MMS22L: variants seen among roughly 807,000 people sequenced by gnomAD.
The protein encoded by MMS22L is MMS22 like, DNA repair protein.
Under a neutral mutation model 159.1 loss-of-function variants are expected in MMS22L, and 74 were observed. That is an observed-to-expected ratio of 0.47 (90% confidence interval 0.39 to 0.56). MMS22L has a LOEUF of 0.56. Among genes scored for constraint, MMS22L ranks in the 20% least tolerant of loss-of-function variants. The probability of loss-of-function intolerance (pLI) is 0.00; values close to 1 mark genes in which losing one functional copy is unlikely to be tolerated. For missense variants in MMS22L, 1,351 were observed against 1,422.1 expected (o/e 0.95, Z 0.80); for synonymous variants, 517 against 506.9 (o/e 1.02, Z -0.27).
intron 3 of MMS22L, among the ~76,000 whole-genome samples, chr6:97,280,719 A>G (rs1816686421): frequency 6.6e-6 from 1 of 152,202 alleles, no homozygotes; most frequent in Non-Finnish European, 1.5e-5. Flanking sequence ...ACTTAGGCCA[A>G]AAGAAGAGGA....
chr6:97,272,909 A>C (rs1281457878), intron 5 of MMS22L, 28 bp from the exon 6 acceptor site: 20 of 1,607,590 alleles, frequency 1.2e-5, no homozygotes, highest in Non-Finnish European at 1.7e-5. Flanking sequence ...AAAATAAACA[A>C]CTAGAGTCTG....
intron 14 of MMS22L, among the ~76,000 whole-genome samples, chr6:97,226,172 T>A (rs1810227471): frequency 6.6e-6 from 1 of 152,218 alleles, no homozygotes; most frequent in South Asian, 2.1e-4. Context: ...GTTTGGCACA[T>A]CTATATAATG....
In MMS22L at chr6:97,231,042, A is replaced by G. The variant is rs539116055; in HGVS notation, c.1529+384T>C. 1.1e-4 allele frequency: 19 copies of G among 169,120 alleles called. No homozygotes were observed. In the South Asian group the frequency reaches 2.7e-3, roughly 24 times the overall value. 10.5% of individuals were successfully genotyped at this position (169,120 alleles called of 1,614,324 possible). On this transcript the variant is annotated intron_variant, in intron 13 of 24. Coordinates refer to ENST00000683635, the MANE Select transcript of MMS22L (RefSeq NM_001350599.2). ...AACAAGCAAAACTCTCAAAAGAGAC[A>G]GAGAAAACAATGGACTAATGTGACC...
At chr6:97,245,952 T>C (rs1171371460) in intron 11 of MMS22L, 3 of 255,532 alleles carry the variant, frequency 1.2e-5, no homozygotes, top group Non-Finnish European at 2.3e-5. Context: ...ATAATCTTTA[T>C]TTCTTAAAAG....
chr6:97,142,429 C>CA lies in MMS22L; in HGVS notation c.*4376dup, dbSNP rs1800683274. 6.6e-6 allele frequency: 1 copy of CA among 152,448 alleles called. No homozygotes were observed. Among genetic ancestry groups the CA allele is most frequent in the Non-Finnish European group, 1.5e-5 (1 of 67,916 alleles). The allele number at this position is 152,448 out of a possible 1,614,324, so 9.4% of individuals were successfully genotyped here. On this transcript the variant is annotated 3_prime_UTR_variant, in exon 25 of 25. Coordinates refer to ENST00000683635, the MANE Select transcript of MMS22L (RefSeq NM_001350599.2). ...AGAATATGCTATGTTGCTAGCTTCC[C>CA]AAACCAACTGTTTCTAACCAAATAA...
chr6:97,152,839 CTT>C (rs869235389), intron 22 of MMS22L, among the ~76,000 whole-genome samples: 29 of 121,414 alleles, frequency 2.4e-4, no homozygotes, highest in East Asian at 4.7e-4. Flanking sequence ...TGAGTATTTT[CTT>C]TTTTTTTTTT....
chr6:97,177,575 A>G (rs753941097), intron 18 of MMS22L, among the ~76,000 whole-genome samples: 1 of 152,170 alleles, frequency 6.6e-6, no homozygotes, highest in Non-Finnish European at 1.5e-5. Flanking sequence ...TATAGCTCCT[A>G]GCACACCACA....
At chr6:97,233,452 T>C (rs1425358652) in intron 12 of MMS22L, among the ~76,000 whole-genome samples, 3 of 152,112 alleles carry the variant, frequency 2.0e-5, no homozygotes, top group Non-Finnish European at 2.9e-5. Context: ...TCCACAATTA[T>C]AACTTTTTTC....
intron 22 of MMS22L, among the ~76,000 whole-genome samples, chr6:97,154,344 T>TTA (rs1372322790): frequency 3.9e-5 from 6 of 152,180 alleles, no homozygotes; most frequent in Non-Finnish European, 7.4e-5. Context: ...TATTTATATA[T>TTA]TATAGATGCA....
intron 15 of MMS22L, among the ~76,000 whole-genome samples, chr6:97,186,093 C>A (rs1462992796): frequency 6.6e-6 from 1 of 152,068 alleles, no homozygotes; most frequent in East Asian, 1.9e-4. Flanking sequence ...ATTCTGATCT[C>A]ATCTTCTTGG....
At chr6:97,239,138 G>T (rs910071480) in intron 11 of MMS22L, among the ~76,000 whole-genome samples, 2 of 151,592 alleles carry the variant, frequency 1.3e-5, no homozygotes, top group Middle Eastern at 6.8e-3. Context: ...TCCCAGTTAC[G>T]ATCCTTCTAC....
chr6:97,194,451 G>C (rs1443919937), intron 14 of MMS22L, among the ~76,000 whole-genome samples: 1 of 151,916 alleles, frequency 6.6e-6, no homozygotes, highest in Non-Finnish European at 1.5e-5. Context: ...AAAAAAAAAG[G>C]GATAATAATA....
chr6:97,158,220 A>G (rs933882226), intron 22 of MMS22L, among the ~76,000 whole-genome samples: 4 of 151,712 alleles, frequency 2.6e-5, no homozygotes, highest in Admixed American at 1.3e-4. Flanking sequence ...TTTCTTCTTA[A>G]TTAGTCTAGC....
intron 11 of MMS22L, among the ~76,000 whole-genome samples, chr6:97,236,914 G>A (rs1250075943): frequency 6.7e-6 from 1 of 150,126 alleles, no homozygotes; most frequent in Non-Finnish European, 1.5e-5. Flanking sequence ...TAGCGCTACT[G>A]CACTCCAGCC....
intron 3 of MMS22L, among the ~76,000 whole-genome samples, chr6:97,280,775 C>T (rs1215660720): frequency 2.0e-5 from 3 of 152,000 alleles, no homozygotes; most frequent in Non-Finnish European, 4.4e-5. Context: ...TTGTTTACTG[C>T]AACTGAAGGA....
At chr6:97,240,407 C>T (rs1271686174) in intron 11 of MMS22L, among the ~76,000 whole-genome samples, 1 of 152,182 alleles carries the variant, frequency 6.6e-6, no homozygotes, top group Non-Finnish European at 1.5e-5. Context: ...GGGTGACTAA[C>T]TCATCCTGGT....
At chr6:97,147,752 G>A (rs1320536653) in intron 24 of MMS22L, among the ~76,000 whole-genome samples, 5 of 152,144 alleles carry the variant, frequency 3.3e-5, no homozygotes, top group Non-Finnish European at 5.9e-5. Context: ...TCACCATGCA[G>A]AAGAAAGGAG....
intron 10 of MMS22L, among the ~76,000 whole-genome samples, chr6:97,251,873 G>A (rs1193005051): frequency 6.6e-6 from 1 of 151,950 alleles, no homozygotes; most frequent in Non-Finnish European, 1.5e-5. Context: ...CACGAGGTCA[G>A]AAGATCAAGA....
intron 14 of MMS22L, among the ~76,000 whole-genome samples, chr6:97,221,047 T>C (rs549534730): frequency 6.6e-6 from 1 of 152,038 alleles, no homozygotes; most frequent in Admixed American, 6.6e-5. Context: ...AAGAAATGAT[T>C]ATGAGTTCTT....
Sources: allele counts gnomAD v4.1 joint callset (sites outside exome capture counted in the v4.1 genomes callset), GRCh38; gene constraint gnomAD v4.1.1; transcripts MANE v1.5; gene names NCBI Gene and HGNC (gene_info 2026-07-23, HGNC 2026-07-21).